The following AGMO variants were observed in gnomAD, a reference collection of about 807,000 sequenced individuals.
AGMO encodes the protein alkylglycerol monooxygenase, also known as glyceryl-ether monooxygenase.
In AGMO, 75 loss-of-function variants were observed where a neutral mutation model predicts 60.2. The observed-to-expected ratio is 1.25, with a 90% CI of 1.03 to 1.51. AGMO has a LOEUF of 1.51. AGMO is among the 40% of genes most tolerant of loss of function. The probability of loss-of-function intolerance (pLI) is 0.00; values close to 1 mark genes in which losing one functional copy is unlikely to be tolerated. For synonymous variants in AGMO, 261 were observed against 177.1 expected (o/e 1.47, Z -3.76); for missense variants, 763 against 525.5 (o/e 1.45, Z -4.42).
At chr7:15,329,793 C>T (rs1781447512) in intron 12 of AGMO, among the ~76,000 whole-genome samples, 1 of 152,114 alleles carries the variant, frequency 6.6e-6, no homozygotes, top group Non-Finnish European at 1.5e-5. Flanking sequence ...TCAAAACTCT[C>T]TCTGGGAATT....
intron 3 of AGMO, among the ~76,000 whole-genome samples, chr7:15,451,820 A>G (rs1272104246): frequency 6.6e-6 from 1 of 152,192 alleles, no homozygotes; most frequent in African/African-American, 2.4e-5. Context: ...TAGACCAAAA[A>G]AAAGGGAAAT....
intron 3 of AGMO, among the ~76,000 whole-genome samples, chr7:15,458,205 C>G (rs1187565145): frequency 6.6e-6 from 1 of 152,168 alleles, no homozygotes; most frequent in East Asian, 1.9e-4. Flanking sequence ...AGCCAGGAGT[C>G]TCCTCTCACA....
chr7:15,346,484 T>G (rs1304203174), intron 12 of AGMO, among the ~76,000 whole-genome samples: 2 of 152,044 alleles, frequency 1.3e-5, no homozygotes, highest in East Asian at 1.9e-4. Flanking sequence ...TAATCTTTTT[T>G]CATTAGGATG....
At chr7:15,363,770 G>A (rs758571790) in intron 12 of AGMO, among the ~76,000 whole-genome samples, 1 of 152,084 alleles carries the variant, frequency 6.6e-6, no homozygotes, top group Non-Finnish European at 1.5e-5. Flanking sequence ...ACTGGCTAAT[G>A]TAAGGAACCT....
chr7:15,225,959 A>T (rs147089203), intron 12 of AGMO, among the ~76,000 whole-genome samples: 26 of 152,158 alleles, frequency 1.7e-4, no homozygotes, highest in Admixed American at 4.6e-4. Flanking sequence ...TACATTTTAA[A>T]ATAAATATTC....
intron 12 of AGMO, among the ~76,000 whole-genome samples, chr7:15,340,068 C>G (rs1781792558): frequency 6.6e-6 from 1 of 152,120 alleles, no homozygotes; most frequent in South Asian, 2.1e-4. Flanking sequence ...TTAGAAGTTT[C>G]CGATTTTTTT....
chr7:15,413,411 C>G (rs1055770297), intron 5 of AGMO, among the ~76,000 whole-genome samples: 1 of 152,030 alleles, frequency 6.6e-6, no homozygotes, highest in Non-Finnish European at 1.5e-5. Context: ...AGGACAGAAA[C>G]AATGTTTAAG....
At chr7:15,271,899 C>T (rs372492146) in intron 12 of AGMO, among the ~76,000 whole-genome samples, 1 of 152,014 alleles carries the variant, frequency 6.6e-6, no homozygotes, top group Non-Finnish European at 1.5e-5. Context: ...TTATTGAATG[C>T]TTTTTCTACA....
At chr7:15,260,876 G>A (rs534321700) in intron 12 of AGMO, among the ~76,000 whole-genome samples, 11 of 151,862 alleles carry the variant, frequency 7.2e-5, no homozygotes, top group Non-Finnish European at 1.5e-4. Flanking sequence ...TCAAAACCAC[G>A]CAAATACATG....
At chr7:15,186,529 A>G in the AGMO span, among the ~76,000 whole-genome samples, 3 of 152,266 alleles carry the variant, frequency 2.0e-5, no homozygotes, top group African/African-American at 7.2e-5. Flanking sequence ...GTAGGAAGAA[A>G]CCCATGAAAA....
At chr7:15,249,890 T>A (rs1042287456) in intron 12 of AGMO, among the ~76,000 whole-genome samples, 3 of 152,194 alleles carry the variant, frequency 2.0e-5, no homozygotes, top group African/African-American at 2.4e-5. Flanking sequence ...CTTGAGAACT[T>A]TAGGTTTATA....
At chr7:15,463,977 A>G (rs1387092162) in intron 3 of AGMO, among the ~76,000 whole-genome samples, 1 of 152,160 alleles carries the variant, frequency 6.6e-6, no homozygotes, top group Non-Finnish European at 1.5e-5. Context: ...GCTGACTGAA[A>G]TTTTGAGCAT....
At chr7:15,297,109 T>A (rs763237197) in intron 12 of AGMO, among the ~76,000 whole-genome samples, 25 of 152,070 alleles carry the variant, frequency 1.6e-4, no homozygotes, top group Non-Finnish European at 2.6e-4. Context: ...AAATATTTGC[T>A]CAACAAATAC....
At chr7:15,280,030 G>T (rs1783917433) in intron 12 of AGMO, among the ~76,000 whole-genome samples, 1 of 152,180 alleles carries the variant, frequency 6.6e-6, no homozygotes, top group Non-Finnish European at 1.5e-5. Flanking sequence ...TGAAATTAGT[G>T]ATATAATCTC....
intron 12 of AGMO, among the ~76,000 whole-genome samples, chr7:15,271,646 G>C (rs548505713): frequency 6.6e-6 from 1 of 152,036 alleles, no homozygotes; most frequent in Admixed American, 6.6e-5. Flanking sequence ...TTTCAATTTG[G>C]ATGCCTTTTA....
intron 3 of AGMO, among the ~76,000 whole-genome samples, chr7:15,498,443 C>T (rs1426648385): frequency 6.6e-6 from 1 of 151,882 alleles, no homozygotes; most frequent in Middle Eastern, 3.4e-3. Flanking sequence ...ATACAGGAAG[C>T]AAAAAATGAC....
chr7:15,327,130 G>A lies in AGMO; in HGVS notation c.1263+38384C>T, dbSNP rs1053091055. Among the ~76,000 whole-genome samples, 4 of 152,262 alleles carry A rather than the reference G, an allele frequency of 2.6e-5. No individual in the cohort carries two copies. The East Asian group carries it at 7.7e-4, about 29-fold the overall frequency. ...AGTGACCCTCTGAGCTTAAGAGTAGGTCTAATTACGTTCCCAGAACAGGCA... is the reference window on the plus strand; with the variant it reads ...AGTGACCCTCTGAGCTTAAGAGTAGATCTAATTACGTTCCCAGAACAGGCA... On this transcript the variant is annotated intron_variant, in intron 12 of 12. Coordinates refer to ENST00000342526, the MANE Select transcript of AGMO (RefSeq NM_001004320.2).
chr7:15,253,646 C>G (rs887017357), intron 12 of AGMO, among the ~76,000 whole-genome samples: 2 of 152,068 alleles, frequency 1.3e-5, no homozygotes, highest in Non-Finnish European at 2.9e-5. Context: ...AAGATCAAGT[C>G]ATAATAATTA....
At chr7:15,441,311 T>C (rs1472543400) in intron 3 of AGMO, among the ~76,000 whole-genome samples, 1 of 152,220 alleles carries the variant, frequency 6.6e-6, no homozygotes, top group East Asian at 1.9e-4. Flanking sequence ...TACTACATTA[T>C]AAAATAATTA....
Sources: allele counts gnomAD v4.1 joint callset (sites outside exome capture counted in the v4.1 genomes callset), GRCh38; gene constraint gnomAD v4.1.1; transcripts MANE v1.5; gene names NCBI Gene and HGNC (gene_info 2026-07-23, HGNC 2026-07-21).